The following TSPAN9 variants were observed in gnomAD, a reference collection of about 807,000 sequenced individuals.
TSPAN9 encodes tetraspanin-9.
A neutral mutation model predicts 31.0 loss-of-function variants in TSPAN9; 16 were observed. The ratio of observed to expected loss-of-function variants is 0.52; its 90% CI spans 0.35 to 0.78. The LOEUF (loss-of-function observed/expected upper bound fraction) is 0.78. Ranked by LOEUF, TSPAN9 falls within the 30% of genes least tolerant of loss-of-function variation. TSPAN9 has a pLI of 0.01. For missense variants in TSPAN9, 272 were observed against 312.5 expected (o/e 0.87, Z 0.98); for synonymous variants, 145 against 121.6 (o/e 1.19, Z -1.27).
chr12:3,253,392 C>T (rs889044943), intron 3 of TSPAN9, among the ~76,000 whole-genome samples: 2 of 152,154 alleles, frequency 1.3e-5, no homozygotes, highest in East Asian at 1.9e-4. Context: ...GCCTAGCTCT[C>T]ACCCTGGTAA....
rs184669766 is a variant in TSPAN9 at position 3,155,344 on chromosome 12, C to T, written c.-17-45833C>T. Among the ~76,000 whole-genome samples the T allele has an allele frequency of 2.0e-5, 3 of 152,274 alleles. No homozygotes were observed. In the East Asian group the frequency reaches 5.8e-4, roughly 29 times the overall value. On this transcript the variant is annotated intron_variant, in intron 2 of 8. Transcript: ENST00000011898. ...CTACGCAAGTGAAACCGAAGGCGGG[C>T]TGTTCCGGGAATGCTGGGCAGAGAC...
chr12:3,120,253 C>T (rs1240199938), intron 2 of TSPAN9, among the ~76,000 whole-genome samples: 2 of 152,178 alleles, frequency 1.3e-5, no homozygotes, highest in Non-Finnish European at 2.9e-5. Flanking sequence ...CGAGTTCGAA[C>T]AGGATCTTGG....
chr12:3,218,371 T>G (rs1484755381), intron 3 of TSPAN9, among the ~76,000 whole-genome samples: 1 of 152,212 alleles, frequency 6.6e-6, no homozygotes, highest in African/African-American at 2.4e-5. Context: ...CCCTTGAGAC[T>G]GCATGTTTAA....
At chr12:3,257,906 T>C (rs1390714888) in intron 3 of TSPAN9, among the ~76,000 whole-genome samples, 1 of 152,188 alleles carries the variant, frequency 6.6e-6, no homozygotes, top group Non-Finnish European at 1.5e-5. Context: ...TAGATGGTTC[T>C]GCAGGACAAG....
chr12:3,093,265 G>A (rs141210634), intron 2 of TSPAN9, among the ~76,000 whole-genome samples: 16 of 152,336 alleles, frequency 1.1e-4, no homozygotes, highest in African/African-American at 2.6e-4. Flanking sequence ...CCCATCAGCC[G>A]AAGTAGATGG....
intron 3 of TSPAN9, among the ~76,000 whole-genome samples, chr12:3,277,459 A>T (rs1440629111): frequency 6.6e-6 from 1 of 152,206 alleles, no homozygotes; most frequent in East Asian, 1.9e-4. Flanking sequence ...TCCAGCCAGA[A>T]CAGAGGCCCC....
chr12:3,270,011 A>G (rs962383707), intron 3 of TSPAN9, among the ~76,000 whole-genome samples: 2 of 152,110 alleles, frequency 1.3e-5, no homozygotes, highest in Admixed American at 6.5e-5. Flanking sequence ...GGTGCTCTCT[A>G]TTATCTGCTG....
intron 2 of TSPAN9, among the ~76,000 whole-genome samples, chr12:3,129,553 G>A (rs1162493377): frequency 2.0e-5 from 3 of 152,154 alleles, no homozygotes; most frequent in Non-Finnish European, 2.9e-5. Context: ...ACACAAGCTC[G>A]TCATCACATG....
chr12:3,148,052 G>A (rs894739975), intron 2 of TSPAN9, among the ~76,000 whole-genome samples: 9 of 152,140 alleles, frequency 5.9e-5, no homozygotes, highest in Non-Finnish European at 1.0e-4. Flanking sequence ...GAGACAAAGC[G>A]CAAAACTAGG....
chr12:3,209,782 A>AC (rs1177762925), intron 3 of TSPAN9, among the ~76,000 whole-genome samples: 2 of 150,190 alleles, frequency 1.3e-5, no homozygotes, highest in South Asian at 2.1e-4. Flanking sequence ...ACACGGTGAA[A>AC]CCCCGTCTCT....
intron 3 of TSPAN9, among the ~76,000 whole-genome samples, chr12:3,275,347 C>A (rs537674210): frequency 1.3e-5 from 2 of 152,198 alleles, no homozygotes; most frequent in Non-Finnish European, 2.9e-5. Context: ...TGGGGTCCTG[C>A]GTGTCTCCAG....
intron 3 of TSPAN9, among the ~76,000 whole-genome samples, chr12:3,269,923 C>T (rs1233154217): frequency 6.6e-6 from 1 of 152,232 alleles, no homozygotes; most frequent in Admixed American, 6.5e-5. Flanking sequence ...CACAGCCTGT[C>T]CTGGTAGGGC....
In TSPAN9 at chr12:3,217,465, CCTT is replaced by C. The variant is rs377525384; in HGVS notation, c.63+16212_63+16214del. On this transcript the variant is annotated intron_variant, in intron 3 of 8. Transcript: ENST00000011898. Reference sequence around the variant, plus strand: ...CCAGTGTTGCTGGGAATGAGCCACTCCTTCTCTTCTGTCATGCTGGGTCTGTGA... The same window carrying C: ...CCAGTGTTGCTGGGAATGAGCCACTCCTCTTCTGTCATGCTGGGTCTGTGA... Among the ~76,000 whole-genome samples, 872 of 152,302 alleles carry C rather than the reference CCTT, an allele frequency of 5.7e-3. 10 individuals carry two copies. The highest frequency in any genetic ancestry group is 0.02 in the African/African-American group (833 of 41,568).
chr12:3,249,340 C>T (rs888403892), intron 3 of TSPAN9, among the ~76,000 whole-genome samples: 3 of 152,174 alleles, frequency 2.0e-5, no homozygotes, highest in Admixed American at 6.5e-5. Context: ...ACTTCCTGCC[C>T]GCATGGCTCC....
At chr12:3,099,881 G>A (rs1001695170) in intron 2 of TSPAN9, among the ~76,000 whole-genome samples, 4 of 137,224 alleles carry the variant, frequency 2.9e-5, no homozygotes, top group South Asian at 2.3e-4. Flanking sequence ...TTGCTCTGTC[G>A]CCCAGGCTGG....
At chr12:3,197,360 C>T (rs1423097185) in intron 2 of TSPAN9, among the ~76,000 whole-genome samples, 1 of 152,226 alleles carries the variant, frequency 6.6e-6, no homozygotes, top group African/African-American at 2.4e-5. Flanking sequence ...GTCAGGCAGC[C>T]CTGATGCTAC....
rs113669865 is a variant in TSPAN9 at position 3,187,195 on chromosome 12, G to A, written c.-17-13982G>A. On this transcript the variant is annotated intron_variant, in intron 2 of 8. Coordinates refer to ENST00000011898, the MANE Select transcript of TSPAN9 (RefSeq NM_006675.5). This position sits in a 1 kb window ranked among gnomAD's most constrained non-coding sequence, Gnocchi z 5.2. ...CACCTGTGTTCATGCCGTGTGGTCA[G>A]AAAGAGCACAGGGGACACTGGATGA... 2.2e-3 allele frequency among the ~76,000 whole-genome samples: 337 copies of A among 152,320 alleles called. 2 individuals carry two copies. Among genetic ancestry groups the A allele is most frequent in the African/African-American group, 7.7e-3 (318 of 41,566 alleles).
chr12:3,176,740 G>A (rs1259633027), intron 2 of TSPAN9, among the ~76,000 whole-genome samples: 3 of 152,322 alleles, frequency 2.0e-5, no homozygotes, highest in East Asian at 1.9e-4. Flanking sequence ...AAGAAAAACC[G>A]AAAGCAGCTC....
chr12:3,167,381 G>A (rs926630407), intron 2 of TSPAN9, among the ~76,000 whole-genome samples: 1 of 152,320 alleles, frequency 6.6e-6, no homozygotes, highest in South Asian at 2.1e-4. Flanking sequence ...GAGAGACTAC[G>A]ACACATTTTA....
Sources: gnomAD v4.1 joint callset for allele counts (sites outside exome capture counted in the v4.1 genomes callset) on GRCh38, gnomAD v4.1.1 for gene constraint, Gnocchi (gnomAD v3.1) non-coding constraint, MANE v1.5 for transcripts, NCBI Gene and HGNC (gene_info 2026-07-23, HGNC 2026-07-21) for gene names.